The following AGBL4 variants were observed in gnomAD, a reference collection of about 807,000 sequenced individuals.
The protein encoded by AGBL4 is AGBL carboxypeptidase 4.
A neutral mutation model predicts 66.4 loss-of-function variants in AGBL4; 58 were observed. The observed-to-expected ratio is 0.87, with a 90% CI of 0.71 to 1.09. The LOEUF is 1.09. AGBL4 is among the 50% of genes least tolerant of loss of function. AGBL4 has a pLI of 0.00. For missense variants in AGBL4, 579 were observed against 631.0 expected (o/e 0.92, Z 0.88); for synonymous variants, 234 against 222.9 (o/e 1.05, Z -0.44).
At chr1:49,207,440 C>T (rs1259970386) in intron 4 of AGBL4, among the ~76,000 whole-genome samples, 1 of 106,900 alleles carries the variant, frequency 9.4e-6, no homozygotes, top group Non-Finnish European at 1.9e-5. Context: ...TCCTTTCTTT[C>T]TTTTTCTTTC....
At chr1:49,372,634 TCTTTCTTTC>T (rs1644379560) in intron 3 of AGBL4, among the ~76,000 whole-genome samples, 1 of 135,038 alleles carries the variant, frequency 7.4e-6, no homozygotes, top group Non-Finnish European at 1.5e-5. Context: ...TTTCTTTCTT[TCTTTCTTTC>T]TTTCTTTCTT....
chr1:48,659,768 T>C (rs1173072981), intron 7 of AGBL4, among the ~76,000 whole-genome samples: 2 of 152,216 alleles, frequency 1.3e-5, no homozygotes, highest in Non-Finnish European at 2.9e-5. Context: ...AGGTACAAAG[T>C]GCCTCATGGA....
chr1:49,449,719 A>G (rs1002101568), intron 3 of AGBL4, among the ~76,000 whole-genome samples: 4 of 151,792 alleles, frequency 2.6e-5, no homozygotes, highest in African/African-American at 7.2e-5. Context: ...AAACCAACCA[A>G]TTTTTTTAAA....
intron 3 of AGBL4, among the ~76,000 whole-genome samples, chr1:49,314,345 C>A (rs1164658869): frequency 6.6e-6 from 1 of 151,958 alleles, no homozygotes; most frequent in Non-Finnish European, 1.5e-5. Flanking sequence ...AACTCGTCAT[C>A]TACATTAGGT....
chr1:48,584,796 G>A (rs1236875944), intron 11 of AGBL4: 2 of 152,148 alleles, frequency 1.3e-5, no homozygotes, highest in Admixed American at 1.3e-4. Context: ...CTGCGTGTGA[G>A]TTCCCTCTTT....
chr1:49,639,799 C>T (rs1645746130), intron 3 of AGBL4, among the ~76,000 whole-genome samples: 1 of 151,924 alleles, frequency 6.6e-6, no homozygotes, highest in African/African-American at 2.4e-5. Context: ...AGCAATTTTG[C>T]CGGATGAAAT....
chr1:49,537,764 A>G (rs950648160), intron 3 of AGBL4, among the ~76,000 whole-genome samples: 9 of 152,158 alleles, frequency 5.9e-5, no homozygotes, highest in African/African-American at 2.2e-4. Flanking sequence ...CTCTTCTAAA[A>G]AAAATACAAA....
rs532200189 is a variant in AGBL4, at chr1:48,928,776, TAGAC to T, written c.595-61550_595-61547del. ...GACATAATATATATAGGCATAATAA[TAGAC>T]AGCTCTTCCTCAAATGATGGCTGTG... On this transcript the variant is annotated intron_variant, in intron 5 of 13. Coordinates refer to ENST00000371839, the MANE Select transcript of AGBL4 (RefSeq NM_032785.4). Among the ~76,000 whole-genome samples the T allele has an allele frequency of 3.3e-3, 500 of 152,314 alleles. 4 individuals carry two copies. The highest frequency in any genetic ancestry group is 8.2e-3 in the African/African-American group (340 of 41,584).
At chr1:48,852,751 T>C (rs1485596150) in intron 6 of AGBL4, among the ~76,000 whole-genome samples, 2 of 152,130 alleles carry the variant, frequency 1.3e-5, no homozygotes, top group African/African-American at 4.8e-5. Flanking sequence ...TTATTCTTAA[T>C]ACCTTTCTCC....
At chr1:48,847,993 G>T (rs577801698) in intron 6 of AGBL4, among the ~76,000 whole-genome samples, 28 of 152,262 alleles carry the variant, frequency 1.8e-4, no homozygotes, top group African/African-American at 6.5e-4. Flanking sequence ...CAGAAGAACT[G>T]CCACTTGTAG....
At chr1:48,994,133 T>C (rs537726986) in intron 5 of AGBL4, among the ~76,000 whole-genome samples, 125 of 151,834 alleles carry the variant, frequency 8.2e-4, no homozygotes, top group African/African-American at 2.9e-3. Context: ...CATTTTCTAC[T>C]TCTTTCCCAC....
chr1:48,823,602 T>C (rs1417451649), intron 6 of AGBL4, among the ~76,000 whole-genome samples: 4 of 152,228 alleles, frequency 2.6e-5, no homozygotes, highest in Non-Finnish European at 5.9e-5. Flanking sequence ...AAAAGCTTCC[T>C]GCCCCTTCCT....
intron 6 of AGBL4, among the ~76,000 whole-genome samples, chr1:48,665,241 G>C (rs1397377245): frequency 1.3e-5 from 2 of 152,148 alleles, no homozygotes; most frequent in Non-Finnish European, 2.9e-5. Context: ...GAGACAGAAG[G>C]CTCACCTGCC....
intron 3 of AGBL4, among the ~76,000 whole-genome samples, chr1:49,477,631 C>A (rs1557977369): frequency 1.3e-5 from 2 of 151,956 alleles, no homozygotes; most frequent in East Asian, 1.9e-4. Context: ...GAGAAGACTG[C>A]AATAAATAAC....
At chr1:49,513,412 C>A (rs1453700276) in intron 3 of AGBL4, among the ~76,000 whole-genome samples, 1 of 151,902 alleles carries the variant, frequency 6.6e-6, no homozygotes, top group Non-Finnish European at 1.5e-5. Context: ...TTTAACCTAT[C>A]CCACTCCCTC....
intron 3 of AGBL4, among the ~76,000 whole-genome samples, chr1:49,533,215 G>A (rs1651283277): frequency 6.6e-6 from 1 of 152,036 alleles, no homozygotes; most frequent in African/African-American, 2.4e-5. Flanking sequence ...CATCCAGACA[G>A]GTAATCCATG....
intron 5 of AGBL4, among the ~76,000 whole-genome samples, chr1:48,907,163 G>C (rs1652675621): frequency 6.6e-6 from 1 of 152,190 alleles, no homozygotes; most frequent in Non-Finnish European, 1.5e-5. Context: ...AAAGCACTGA[G>C]TTAGCACCCA....
intron 3 of AGBL4, among the ~76,000 whole-genome samples, chr1:49,288,291 C>G (rs920115271): frequency 6.7e-6 from 1 of 149,616 alleles, no homozygotes; most frequent in Admixed American, 6.7e-5. Flanking sequence ...GTGCAGCACA[C>G]CAGCATGGCA....
intron 3 of AGBL4, among the ~76,000 whole-genome samples, chr1:49,474,096 T>C (rs1646801956): frequency 6.6e-6 from 1 of 152,082 alleles, no homozygotes; most frequent in Non-Finnish European, 1.5e-5. Flanking sequence ...TGCTTAGGAC[T>C]TCCTTCGCTA....
Sources: allele counts gnomAD v4.1 joint callset (sites outside exome capture counted in the v4.1 genomes callset), GRCh38; gene constraint gnomAD v4.1.1; transcripts MANE v1.5; gene names NCBI Gene and HGNC (gene_info 2026-07-23, HGNC 2026-07-21).